SLC39A11: variants seen among roughly 807,000 people sequenced by gnomAD.
SLC39A11 encodes zinc transporter ZIP11.
A neutral mutation model predicts 36.1 loss-of-function variants in SLC39A11; 33 were observed. The observed-to-expected ratio is 0.91, with a 90% CI of 0.69 to 1.22. SLC39A11 has a LOEUF of 1.22. SLC39A11 is among the 50% of genes most tolerant of loss of function. SLC39A11 has a pLI of 0.00. For missense variants in SLC39A11, 432 were observed against 430.3 expected (o/e 1.00, Z -0.03); for synonymous variants, 166 against 170.3 (o/e 0.97, Z 0.20).
intron 5 of SLC39A11, among the ~76,000 whole-genome samples, chr17:72,921,735 T>C (rs2083679470): frequency 1.3e-5 from 2 of 149,424 alleles, no homozygotes; most frequent in Non-Finnish European, 3.0e-5. Context: ...TTTCCACTTA[T>C]ATCCATTTAT....
intron 3 of SLC39A11, among the ~76,000 whole-genome samples, chr17:73,044,003 A>G (rs896846798): frequency 2.6e-5 from 4 of 152,222 alleles, no homozygotes; most frequent in Non-Finnish European, 4.4e-5. Flanking sequence ...ATTATAATCA[A>G]TTACATTCAG....
At chr17:72,889,488 G>A (rs1275267934) in intron 5 of SLC39A11, among the ~76,000 whole-genome samples, 1 of 151,602 alleles carries the variant, frequency 6.6e-6, no homozygotes, top group Admixed American at 6.6e-5. Flanking sequence ...AGTGAGCTGA[G>A]ATCGTGCCAC....
intron 5 of SLC39A11, among the ~76,000 whole-genome samples, chr17:72,930,593 C>T (rs1352738892): frequency 6.6e-6 from 1 of 152,216 alleles, no homozygotes; most frequent in Non-Finnish European, 1.5e-5. Flanking sequence ...GAAGCGACTA[C>T]AGTTTGACAC....
At chr17:72,900,634 TG>T (rs534053568) in intron 5 of SLC39A11, among the ~76,000 whole-genome samples, 233 of 140,058 alleles carry the variant, frequency 1.7e-3, no homozygotes, top group African/African-American at 5.6e-3. Context: ...AGGGAAAGAG[TG>T]GGGGCAAAGG....
At chr17:72,780,027 A>G (rs2076258097) in intron 6 of SLC39A11, among the ~76,000 whole-genome samples, 1 of 152,142 alleles carries the variant, frequency 6.6e-6, no homozygotes, top group Admixed American at 6.5e-5. Context: ...GGGAACTCAT[A>G]ATTGTGTTGG....
intron 4 of SLC39A11, among the ~76,000 whole-genome samples, chr17:72,968,480 T>C (rs559214299): frequency 2.0e-5 from 3 of 152,304 alleles, no homozygotes; most frequent in South Asian, 2.1e-4. Context: ...AAGTGACTAA[T>C]GGTCTTTCAG....
rs188670953 is a variant in SLC39A11, at chr17:72,999,681, C to T, written c.306+31875G>A. Among the ~76,000 whole-genome samples, 21 of 152,288 alleles carry T rather than the reference C, an allele frequency of 1.4e-4. No individual in the cohort carries two copies. The East Asian group carries it at 3.9e-3, about 28-fold the overall frequency. On this transcript the variant is annotated intron_variant, in intron 4 of 9. Coordinates refer to ENST00000255559, the MANE Select transcript of SLC39A11 (RefSeq NM_139177.4). ...GGTCCATTTCCTGCTGTGGTGAACA[C>T]TGACTGCCTAGGGCTGCAGATGGTT...
intron 6 of SLC39A11, among the ~76,000 whole-genome samples, chr17:72,809,518 C>G (rs963044413): frequency 6.6e-5 from 10 of 152,142 alleles, no homozygotes; most frequent in Non-Finnish European, 1.2e-4. Flanking sequence ...CTTTTGCAAT[C>G]ACCTGGACTC....
At chr17:72,963,169 CTTTTTTTTT>C (rs5821936) in intron 4 of SLC39A11, among the ~76,000 whole-genome samples, 1 of 114,552 alleles carries the variant, frequency 8.7e-6, no homozygotes, top group African/African-American at 3.5e-5. Context: ...TTTTTCCTTT[CTTTTTTTTT>C]TTTTTTTTTT....
At chr17:72,742,054 T>C (rs2074730677) in intron 6 of SLC39A11, among the ~76,000 whole-genome samples, 1 of 151,906 alleles carries the variant, frequency 6.6e-6, no homozygotes. Context: ...ATACAAAAAA[T>C]TTGCTGGGCA....
intron 6 of SLC39A11, among the ~76,000 whole-genome samples, chr17:72,740,482 GA>G (rs1250696441): frequency 6.6e-6 from 1 of 152,160 alleles, no homozygotes; most frequent in Non-Finnish European, 1.5e-5. Flanking sequence ...TTGTGTGTCT[GA>G]AATGGTAGGC....
intron 7 of SLC39A11, among the ~76,000 whole-genome samples, chr17:72,715,575 T>G (rs2143433015): frequency 6.6e-6 from 1 of 152,326 alleles, no homozygotes; most frequent in East Asian, 1.9e-4. Context: ...GCCACTTCTA[T>G]GAGGTCCCTA....
At chr17:73,035,827 G>A (rs1014483417) in intron 3 of SLC39A11, among the ~76,000 whole-genome samples, 3 of 124,490 alleles carry the variant, frequency 2.4e-5, no homozygotes, top group Non-Finnish European at 4.7e-5. Context: ...TCGCACTACT[G>A]CACTCCAGCC....
chr17:73,066,124 T>C (rs553439060), intron 3 of SLC39A11, among the ~76,000 whole-genome samples: 1 of 152,336 alleles, frequency 6.6e-6, no homozygotes, highest in East Asian at 1.9e-4. Flanking sequence ...AAACAGACTC[T>C]CCGGTTTCCA....
chr17:72,845,302 C>A (rs1246008365), intron 6 of SLC39A11, among the ~76,000 whole-genome samples: 2 of 152,330 alleles, frequency 1.3e-5, no homozygotes, highest in Non-Finnish European at 1.5e-5. Context: ...GACATCCCTG[C>A]CCTCACCTTG....
At chr17:73,064,885 G>T (rs939568429) in intron 3 of SLC39A11, among the ~76,000 whole-genome samples, 1 of 152,118 alleles carries the variant, frequency 6.6e-6, no homozygotes, top group Non-Finnish European at 1.5e-5. Flanking sequence ...CTTGGCAGAG[G>T]GGGGATAGGG....
Position 72,902,772 on chromosome 17 carries a change from G to C in SLC39A11, c.430+44980C>G, listed in dbSNP as rs528115036. Among the ~76,000 whole-genome samples, 4 of 150,628 alleles carry C rather than the reference G, an allele frequency of 2.7e-5. No individual in the cohort carries two copies. The South Asian group carries it at 8.3e-4, about 31-fold the overall frequency. On this transcript the variant is annotated intron_variant, in intron 5 of 9. Transcript: ENST00000255559. ...GTACAATTAGCTTAACAACCAGTGG[G>C]TACCCCTCTGGTTTCTTCCAGTGGG...
At chr17:72,933,877 G>A (rs963841657) in intron 5 of SLC39A11, among the ~76,000 whole-genome samples, 4 of 152,098 alleles carry the variant, frequency 2.6e-5, no homozygotes, top group African/African-American at 9.7e-5. Flanking sequence ...AAGGAGAAAG[G>A]ATACGCACAA....
At chr17:73,003,625 C>T (rs1429895305) in intron 4 of SLC39A11, among the ~76,000 whole-genome samples, 2 of 152,098 alleles carry the variant, frequency 1.3e-5, no homozygotes, top group Admixed American at 1.3e-4. Context: ...AAGGGAACTT[C>T]ACAGAGGTGT....
Sources: allele counts gnomAD v4.1 joint callset (sites outside exome capture counted in the v4.1 genomes callset), GRCh38; gene constraint gnomAD v4.1.1; transcripts MANE v1.5; gene names NCBI Gene and HGNC (gene_info 2026-07-23, HGNC 2026-07-21).